Variants in CSRNP2 observed in about 807,000 individuals in gnomAD.
CSRNP2 encodes cysteine and serine rich nuclear protein 2, also known as cysteine/serine-rich nuclear protein 2.
In CSRNP2, 11 loss-of-function variants were observed where a neutral mutation model predicts 36.6. The observed-to-expected ratio is 0.30, with a 90% CI of 0.19 to 0.50. The LOEUF (loss-of-function observed/expected upper bound fraction) is 0.50. Among genes scored for constraint, CSRNP2 ranks in the 20% least tolerant of loss-of-function variants. The pLI is 0.98. For missense variants in CSRNP2, 483 were observed against 691.4 expected (o/e 0.70, Z 3.38); for synonymous variants, 248 against 275.3 (o/e 0.90, Z 0.98).
In CSRNP2 at chr12:51,064,577, A is replaced by G. The variant is rs1937910636; in HGVS notation, c.801T>C (p.Thr267=). 1 of 1,607,658 alleles carries G rather than the reference A, an allele frequency of 6.2e-7. No individual in the cohort carries two copies. Among genetic ancestry groups the G allele is most frequent in the African/African-American group, 1.3e-5 (1 of 74,584 alleles). ...RIEFNPIRVR[T]HYLHTIMKLE... ...GCTTCATAATGGTGTGGAGGTAATG[A>G]GTCCGGACCCGGATTGGATTAAATT... Residue 267 remains threonine (T), a synonymous_variant, in exon 5 of 5, where the codon ACT becomes ACC. Transcript: ENST00000228515.
At chr12:51,064,757 G>T in intron 4 of CSRNP2, 88 bp from the exon 5 acceptor site, 1 of 1,180,908 alleles carries the variant, frequency 8.5e-7, no homozygotes, top group Non-Finnish European at 1.2e-6. Flanking sequence ...ACAGGCAGTT[G>T]GGATTTGAGG....
rs1363473529 is a variant in CSRNP2 at position 51,073,400 on chromosome 12, AG to A, written c.411+422del. On this transcript the variant is annotated intron_variant, in intron 3 of 4. Transcript: ENST00000228515. Reference sequence around the variant, plus strand: ...AAATCTGAGATTTTTCATTAGAAAGAGTTGAAATCTCTATACCCCAAGGACA... The same window carrying A: ...AAATCTGAGATTTTTCATTAGAAAGATTGAAATCTCTATACCCCAAGGACA... 3.3e-5 allele frequency among the ~76,000 whole-genome samples: 5 copies of A among 151,948 alleles called. No individual in the cohort carries two copies. The East Asian group carries it at 9.7e-4, about 29-fold the overall frequency.
At chr12:51,073,530 G>A (rs143088918) in intron 3 of CSRNP2, among the ~76,000 whole-genome samples, 373 of 151,460 alleles carry the variant, frequency 2.5e-3, no homozygotes, top group African/African-American at 8.7e-3. Context: ...CCAGGAGTTC[G>A]AGACCAGCCT....
At chr12:51,073,232 CA>C (rs895496079) in intron 3 of CSRNP2, among the ~76,000 whole-genome samples, 1 of 112,164 alleles carries the variant, frequency 8.9e-6, no homozygotes, top group African/African-American at 2.9e-5. Flanking sequence ...AGAAAACATA[CA>C]TACATACATA....
intron 4 of CSRNP2, among the ~76,000 whole-genome samples, chr12:51,066,530 A>C (rs1012669278): frequency 6.6e-6 from 1 of 151,334 alleles, no homozygotes; most frequent in South Asian, 2.1e-4. Flanking sequence ...AATCCCAGCT[A>C]CTTGGGAGGC....
chr12:51,080,216 G>A (rs1939587721), intron 1 of CSRNP2, among the ~76,000 whole-genome samples: 1 of 151,532 alleles, frequency 6.6e-6, no homozygotes, highest in Non-Finnish European at 1.5e-5. Flanking sequence ...AAGGATTTAT[G>A]ACTGGAAGTA....
At chr12:51,079,145 T>A (rs1326358252) in intron 1 of CSRNP2, among the ~76,000 whole-genome samples, 1 of 152,002 alleles carries the variant, frequency 6.6e-6, no homozygotes, top group Non-Finnish European at 1.5e-5. Flanking sequence ...ACACCGCACG[T>A]TCTCACTCAT....
chr12:51,068,127 G>A (rs1387955025), intron 3 of CSRNP2, among the ~76,000 whole-genome samples, 158 bp from the exon 4 acceptor site: 2 of 152,198 alleles, frequency 1.3e-5, no homozygotes, highest in African/African-American at 2.4e-5. Flanking sequence ...TGGCTACTGA[G>A]CACTAGAAAT....
rs1410041655 is a variant in CSRNP2 at position 51,062,647 on chromosome 12, T to C, written c.*1099A>G. ...GAGGGGTCCAATAAACATTTGCAAT[T>C]CTTGGAATTGAACTGGAACAGTATA... On this transcript the variant is annotated 3_prime_UTR_variant, in exon 5 of 5. Transcript: ENST00000228515. 1 of 152,196 alleles carries C rather than the reference T, an allele frequency of 6.6e-6. No individual in the cohort carries two copies. Among genetic ancestry groups the C allele is most frequent in the African/African-American group, 2.4e-5 (1 of 41,452 alleles). 9.4% of individuals were successfully genotyped at this position (152,196 alleles called of 1,614,324 possible).
intron 3 of CSRNP2, among the ~76,000 whole-genome samples, chr12:51,068,424 T>C (rs569481569): frequency 2.2e-4 from 33 of 152,188 alleles, no homozygotes; most frequent in African/African-American, 7.5e-4. Flanking sequence ...AGTGCTGGGG[T>C]CCACTGTGCC....
chr12:51,065,926 G>A (rs903921862), intron 4 of CSRNP2, among the ~76,000 whole-genome samples: 2 of 149,368 alleles, frequency 1.3e-5, no homozygotes, highest in African/African-American at 5.0e-5. Flanking sequence ...CAAGGACTCA[G>A]CATCTACACC....
At chr12:51,066,378 G>A (rs1318073805) in intron 4 of CSRNP2, among the ~76,000 whole-genome samples, 3 of 151,508 alleles carry the variant, frequency 2.0e-5, no homozygotes, top group Non-Finnish European at 2.9e-5. Flanking sequence ...GCTTGAACCC[G>A]GGAGGCAGAG....
chr12:51,079,274 C>T (rs866923954), intron 1 of CSRNP2, among the ~76,000 whole-genome samples: 2 of 151,386 alleles, frequency 1.3e-5, no homozygotes, highest in Non-Finnish European at 2.9e-5. Flanking sequence ...GACAAGTTAA[C>T]GGGTGCAGCA....
chr12:51,064,208 A>G lies in CSRNP2; in HGVS notation c.1170T>C (p.Ser390=). Residue 390 remains serine (S), a synonymous_variant, in exon 5 of 5, where the codon TCT becomes TCC. Transcript: ENST00000228515. The stretch of plus-strand genomic sequence containing the variant: ...CTGAGTTCTCGGTAAAACACAGGAC[A>G]GAGGAGCCTGGGGGCAGCTGAGCCT... ...LIQAQLPPGS[S]VLCFTENSDH... is the part of the protein sequence containing the mutation. 6.2e-7 allele frequency: 1 copy of G among 1,614,088 alleles called. No homozygotes were observed. The highest frequency in any genetic ancestry group is 8.5e-7 in the Non-Finnish European group (1 of 1,179,998).
intron 2 of CSRNP2, among the ~76,000 whole-genome samples, chr12:51,074,305 T>C (rs537917638): frequency 6.6e-6 from 1 of 152,114 alleles, no homozygotes; most frequent in South Asian, 2.1e-4. Flanking sequence ...TTAGTAGAGA[T>C]GGGGTTTCGC....
In CSRNP2 at chr12:51,061,538, C is replaced by T. The variant is rs995133956; in HGVS notation, c.*2208G>A. 6.6e-6 allele frequency: 1 copy of T among 152,582 alleles called. No individual in the cohort carries two copies. 9.5% of individuals were successfully genotyped at this position (152,582 alleles called of 1,614,324 possible). A position where few individuals can be genotyped will look rare whatever the true frequency, so the allele number is the denominator to read the frequency against. On this transcript the variant is annotated 3_prime_UTR_variant, in exon 5 of 5. Coordinates refer to ENST00000228515, the MANE Select transcript of CSRNP2 (RefSeq NM_030809.3). ...GAGATGGACTAGGTTGTAGAGAAGG[C>T]CTTTCGCTTGACAAGACAGTTAATG... is the stretch of plus-strand genomic sequence containing the variant.
intron 3 of CSRNP2, among the ~76,000 whole-genome samples, chr12:51,071,624 T>A (rs1183345297): frequency 6.6e-6 from 1 of 152,150 alleles, no homozygotes; most frequent in Non-Finnish European, 1.5e-5. Context: ...CTGTATTAGA[T>A]GTCATCACTG....
rs753965992 is a variant in CSRNP2, at chr12:51,062,657, G to T, written c.*1089C>A. The stretch of plus-strand genomic sequence containing the variant: ...ATAAACATTTGCAATTCTTGGAATT[G>T]AACTGGAACAGTATAAGAACTCTAA... On this transcript the variant is annotated 3_prime_UTR_variant, in exon 5 of 5. Transcript: ENST00000228515. 2.0e-5 allele frequency: 3 copies of T among 152,132 alleles called. No homozygotes were observed. The highest frequency in any genetic ancestry group is 7.2e-5 in the African/African-American group (3 of 41,424). 9.4% of individuals were successfully genotyped at this position (152,132 alleles called of 1,614,324 possible). A position where few individuals can be genotyped will look rare whatever the true frequency, so the allele number is the denominator to read the frequency against.
intron 1 of CSRNP2, among the ~76,000 whole-genome samples, chr12:51,081,864 T>A (rs949552188): frequency 4.6e-5 from 7 of 151,170 alleles, no homozygotes; most frequent in Non-Finnish European, 1.0e-4. Flanking sequence ...AAAAACAGCA[T>A]ATGTGAGAGC....
Sources: gnomAD v4.1 joint callset for allele counts (sites outside exome capture counted in the v4.1 genomes callset) on GRCh38, gnomAD v4.1.1 for gene constraint, MANE v1.5 for transcripts, NCBI Gene and HGNC (gene_info 2026-07-23, HGNC 2026-07-21) for gene names.